PTGFRN: variants seen among roughly 807,000 people sequenced by gnomAD.
The protein encoded by PTGFRN is prostaglandin F2 receptor negative regulator.
Under a neutral mutation model 83.2 loss-of-function variants are expected in PTGFRN, and 35 were observed. That is an observed-to-expected ratio of 0.42 (90% confidence interval 0.32 to 0.56). PTGFRN has a LOEUF of 0.56. Among genes scored for constraint, PTGFRN ranks in the 20% least tolerant of loss-of-function variants. The pLI is 0.11. For missense variants in PTGFRN, 1,051 were observed against 1,179.5 expected, an observed-to-expected ratio of 0.89 and a Z score of 1.60; for synonymous variants, 519 against 498.6, an observed-to-expected ratio of 1.04 and a Z score of -0.55.
rs1650070787 is a variant in PTGFRN at position 116,941,879 on chromosome 1, A to G, written c.214A>G (p.Ser72Gly). Residue 72 changes from serine (S) to glycine (G), a missense_variant, in exon 2 of 9, where the codon AGC becomes GGC. Ser to Gly is a moderately conservative substitution (Grantham distance 56). Transcript: ENST00000393203. The surrounding 1 kb of genome is among the most constrained non-coding windows in gnomAD (Gnocchi z 5.0). Reference sequence around the variant, plus strand: ...GGGGAGCAGCTTTGTGGAGCTTGCAAGCACCTGGGAGGTGGGGTTCCCAGC... The same window carrying G: ...GGGGAGCAGCTTTGTGGAGCTTGCAGGCACCTGGGAGGTGGGGTTCCCAGC... ...SLGSSFVELA[S>G]TWEVGFPAQL... 1.9e-6 allele frequency: 3 copies of G among 1,614,168 alleles called. No individual in the cohort carries two copies. Among genetic ancestry groups the G allele is most frequent in the African/African-American group, 1.3e-5 (1 of 75,054 alleles).
intron 1 of PTGFRN, among the ~76,000 whole-genome samples, chr1:116,939,147 A>G (rs570014362): frequency 2.6e-5 from 4 of 152,272 alleles, no homozygotes; most frequent in East Asian, 3.9e-4. Context: ...TGGTGGATCT[A>G]CCGTTCTGGG....
chr1:116,947,343 G>C (rs1650226616), intron 3 of PTGFRN, among the ~76,000 whole-genome samples: 1 of 152,194 alleles, frequency 6.6e-6, no homozygotes, highest in African/African-American at 2.4e-5. Flanking sequence ...TATATTCAGG[G>C]ACAGAGAACC....
In PTGFRN at chr1:116,949,443, G is replaced by A. The variant is rs756106704; in HGVS notation, c.1084G>A (p.Asp362Asn). Reference protein sequence around the residue: ...DARSYHLLVRDVSKENSGYYY... With the variant: ...DARSYHLLVRNVSKENSGYYY... ...ACGCTCCTACCATTTACTGGTTCGG[G>A]ATGTTAGCAAAGAAAACTCTGGCTA... Residue 362 changes from aspartate to asparagine, a missense_variant, in exon 4 of 9, where the codon GAT becomes AAT. Physicochemically the swap from Asp to Asn is conservative, Grantham distance 23. Coordinates refer to ENST00000393203, the MANE Select transcript of PTGFRN (RefSeq NM_020440.4). The A allele has an allele frequency of 3.1e-6, 5 of 1,614,250 alleles. No homozygotes were observed. The Admixed American group carries it at 5.0e-5, about 16-fold the overall frequency.
chr1:116,950,761 C>T (rs149398655), intron 4 of PTGFRN, among the ~76,000 whole-genome samples: 8 of 152,148 alleles, frequency 5.3e-5, no homozygotes, highest in East Asian at 1.9e-4. Flanking sequence ...AATCCGATTC[C>T]GATGGAGACG....
intron 1 of PTGFRN, among the ~76,000 whole-genome samples, chr1:116,924,727 G>T (rs923643833): frequency 1.3e-5 from 2 of 152,184 alleles, no homozygotes; most frequent in African/African-American, 4.8e-5. Context: ...CTGATGAAGG[G>T]CTGTTTCTGA....
chr1:116,946,711 C>T (rs1434559143), intron 3 of PTGFRN, among the ~76,000 whole-genome samples: 1 of 152,176 alleles, frequency 6.6e-6, no homozygotes, highest in Non-Finnish European at 1.5e-5. Context: ...TTGAAACCTA[C>T]AGACCTTTTC....
Position 116,926,202 on chromosome 1 carries a change from A to G in PTGFRN, c.50-15513A>G, listed in dbSNP as rs374069448. Among the ~76,000 whole-genome samples, 158 of 152,328 alleles carry G rather than the reference A, an allele frequency of 1.0e-3. 3 individuals are homozygous for G. In the South Asian group the frequency reaches 0.018, roughly 17 times the overall value. On this transcript the variant is annotated intron_variant, in intron 1 of 8. Transcript: ENST00000393203. ...GTCGGGTTGGTGGGGAGTTTCCCCA[A>G]TTATCTCAGGTGCCTTTTATGCTCA...
intron 1 of PTGFRN, among the ~76,000 whole-genome samples, chr1:116,932,716 C>T (rs1465366078): frequency 6.6e-6 from 1 of 152,150 alleles, no homozygotes; most frequent in Non-Finnish European, 1.5e-5. Flanking sequence ...ATCTTGGTTC[C>T]ATTGCCCATG....
intron 1 of PTGFRN, among the ~76,000 whole-genome samples, chr1:116,919,687 G>A (rs2101051583): frequency 6.6e-6 from 1 of 152,350 alleles, no homozygotes; most frequent in Middle Eastern, 3.4e-3. Flanking sequence ...TGGCAGACTT[G>A]GGATTCAAAC....
chr1:116,912,737 G>A (rs965356839), intron 1 of PTGFRN, among the ~76,000 whole-genome samples: 9 of 152,152 alleles, frequency 5.9e-5, no homozygotes, highest in Admixed American at 5.2e-4. Context: ...AGGAGATGTT[G>A]CCCCTTGTGT....
At chr1:116,969,823 G>A (rs567348329) in intron 6 of PTGFRN, among the ~76,000 whole-genome samples, 8 of 152,114 alleles carry the variant, frequency 5.3e-5, no homozygotes, top group East Asian at 1.9e-4. Context: ...TAAATTTATC[G>A]TAAGTATTTT....
In PTGFRN at chr1:116,941,286, C is replaced by A. The variant is rs890510931; in HGVS notation, c.50-429C>A. 2.6e-5 allele frequency among the ~76,000 whole-genome samples: 4 copies of A among 152,076 alleles called. No homozygotes were observed. Among genetic ancestry groups the A allele is most frequent in the African/African-American group, 9.7e-5 (4 of 41,382 alleles). Reference sequence around the variant, plus strand: ...TCATTGTAAATCAGGTCTCAGGAGCCCCAGGGAATGGTCTCTAGGGATGAG... The same window carrying A: ...TCATTGTAAATCAGGTCTCAGGAGCACCAGGGAATGGTCTCTAGGGATGAG... On this transcript the variant is annotated intron_variant, in intron 1 of 8. Coordinates refer to ENST00000393203, the MANE Select transcript of PTGFRN (RefSeq NM_020440.4). The surrounding 1 kb of genome is among the most constrained non-coding windows in gnomAD (Gnocchi z 5.0).
At chr1:116,934,483 A>C (rs936732956) in intron 1 of PTGFRN, among the ~76,000 whole-genome samples, 2 of 151,834 alleles carry the variant, frequency 1.3e-5, no homozygotes, top group African/African-American at 2.4e-5. Context: ...TCTGCTGCCA[A>C]ACCTATTTAT....
chr1:116,985,037 C>T, intron 8 of PTGFRN, 52 bp downstream of exon 8: 1 of 1,525,402 alleles, frequency 6.6e-7, no homozygotes, highest in South Asian at 1.2e-5. Context: ...TCTTCTTGTG[C>T]CAGGCTGTAG....
rs778595617 is a variant in PTGFRN, at chr1:116,961,455, GGA to G, written c.1432_1433del (p.Arg478GlufsTer14). 1.2e-6 allele frequency: 2 copies of G among 1,614,192 alleles called. No individual in the cohort carries two copies. Among genetic ancestry groups the G allele is most frequent in the African/African-American group, 1.3e-5 (1 of 75,040 alleles). On this transcript the variant is annotated frameshift_variant, in exon 5 of 9. Coordinates refer to ENST00000393203, the MANE Select transcript of PTGFRN (RefSeq NM_020440.4). LOFTEE classifies it high-confidence loss of function. The surrounding 1 kb of genome is among the most constrained non-coding windows in gnomAD (Gnocchi z 5.4). Reference protein sequence around the residue: ...VMDGDWTLKYGERSKQRAQDG... With the variant: ...VMDGDWTLKYXERSKQRAQDG... ...GGACGGGGACTGGACGCTAAAATAT[GGA>G]GAGAGGAGCAAGCAGCGGGCCCAGG...
At chr1:116,911,050 T>G (rs758542556) in intron 1 of PTGFRN, among the ~76,000 whole-genome samples, 9 of 142,368 alleles carry the variant, frequency 6.3e-5, no homozygotes, top group African/African-American at 7.8e-5. Context: ...CTTTTGTGGG[T>G]TTTTTCCCTC....
intron 6 of PTGFRN, among the ~76,000 whole-genome samples, chr1:116,968,501 G>A (rs1470597167): frequency 6.6e-6 from 1 of 151,946 alleles, no homozygotes; most frequent in Non-Finnish European, 1.5e-5. Context: ...AGAAAGCATA[G>A]GCCTCCTTTA....
intron 2 of PTGFRN, among the ~76,000 whole-genome samples, chr1:116,943,513 A>G (rs1557963855): frequency 6.6e-6 from 1 of 152,154 alleles, no homozygotes; most frequent in Non-Finnish European, 1.5e-5. Context: ...TGAGGAAAGC[A>G]ATGGATGACC....
intron 7 of PTGFRN, among the ~76,000 whole-genome samples, chr1:116,976,705 C>A (rs978685543): frequency 2.6e-5 from 4 of 152,312 alleles, no homozygotes; most frequent in Non-Finnish European, 4.4e-5. Context: ...GCCTGCCCTA[C>A]AAGAGCTCCT....
Sources: allele counts gnomAD v4.1 joint callset (sites outside exome capture counted in the v4.1 genomes callset), GRCh38; gene constraint gnomAD v4.1.1; non-coding constraint Gnocchi (gnomAD v3.1); transcripts MANE v1.5; gene names NCBI Gene and HGNC (gene_info 2026-07-23, HGNC 2026-07-21).